Variants in SPATA16 observed in about 807,000 individuals in gnomAD.
The protein encoded by SPATA16 is spermatogenesis associated 16.
SPATA16 carries 36 observed loss-of-function variants against 63.3 expected under a neutral mutation model. The observed-to-expected ratio is 0.57, with a 90% CI of 0.44 to 0.75. SPATA16 has a LOEUF of 0.75. SPATA16 is among the 30% of genes least tolerant of loss of function. SPATA16 has a pLI of 0.00. For synonymous variants in SPATA16, 203 were observed against 216.7 expected, an observed-to-expected ratio of 0.94 and a Z score of 0.56; for missense variants, 646 against 679.3, an observed-to-expected ratio of 0.95 and a Z score of 0.54.
chr3:172,909,715 G>A (rs575207108), intron 10 of SPATA16, among the ~76,000 whole-genome samples: 1 of 152,312 alleles, frequency 6.6e-6, no homozygotes, highest in Non-Finnish European at 1.5e-5. Context: ...CCACCTACAG[G>A]AGTTTGGTCA....
Position 173,117,201 on chromosome 3 carries a change from C to T in SPATA16, c.531G>A (p.Gln177=). ...SFLPQIDKWL[Q]VALKDASSCY... ...AAGAGCTGGCATCCTTTAAGGCTAC[C>T]TGAAGCCATTTGTCAATCTGAGGCA... is the stretch of plus-strand genomic sequence containing the variant. Residue 177 remains glutamine, a synonymous_variant, in exon 2 of 11, where the codon CAG becomes CAA. Transcript: ENST00000351008. 2 of 1,614,114 alleles carry T rather than the reference C, an allele frequency of 1.2e-6. No homozygotes were observed. The highest frequency in any genetic ancestry group is 1.7e-6 in the Non-Finnish European group (2 of 1,179,988).
At chr3:173,008,870 A>G (rs1734998569) in intron 4 of SPATA16, among the ~76,000 whole-genome samples, 2 of 152,206 alleles carry the variant, frequency 1.3e-5, no homozygotes, top group Non-Finnish European at 2.9e-5. Flanking sequence ...AAAAATTGCT[A>G]AACTTTTTAA....
chr3:173,122,072 C>T (rs936994488), intron 1 of SPATA16, among the ~76,000 whole-genome samples: 2 of 152,130 alleles, frequency 1.3e-5, no homozygotes, highest in Non-Finnish European at 2.9e-5. Flanking sequence ...TAAAAATGCT[C>T]ATTCTTTAAT....
intron 2 of SPATA16, among the ~76,000 whole-genome samples, chr3:173,083,829 T>C (rs9871702): frequency 0.18 from 28,023 of 152,148 alleles, 2,936 homozygotes; most frequent in African/African-American, 0.28. Flanking sequence ...TCATTCCTTT[T>C]TACGACTGCA....
chr3:173,001,272 T>TTTTTTTTGTTTG (rs894241832), intron 4 of SPATA16, among the ~76,000 whole-genome samples: 2 of 151,640 alleles, frequency 1.3e-5, no homozygotes, highest in Admixed American at 6.6e-5. Context: ...TCAGTTGTTT[T>TTTTTTTTGTTTG]TTTTTTTTTG....
At chr3:172,992,668 T>C (rs917996524) in intron 4 of SPATA16, among the ~76,000 whole-genome samples, 1 of 152,114 alleles carries the variant, frequency 6.6e-6, no homozygotes, top group Admixed American at 6.6e-5. Flanking sequence ...GAGTTGATGG[T>C]GACCCTGTTA....
At chr3:173,100,672 A>G (rs1485738717) in intron 2 of SPATA16, among the ~76,000 whole-genome samples, 2 of 128,084 alleles carry the variant, frequency 1.6e-5, no homozygotes, top group African/African-American at 7.3e-5. Context: ...ACACACACAC[A>G]CACACACACA....
chr3:173,088,016 TTCTTTCTTTC>T (rs1737108005), intron 2 of SPATA16, among the ~76,000 whole-genome samples: 1 of 69,952 alleles, frequency 1.4e-5, no homozygotes, highest in African/African-American at 5.2e-5. Flanking sequence ...CCGTCTTTCT[TTCTTTCTTTC>T]TTTCTTTCTT....
intron 3 of SPATA16, among the ~76,000 whole-genome samples, chr3:173,047,182 T>A (rs919797658): frequency 1.3e-4 from 19 of 151,976 alleles, no homozygotes; most frequent in African/African-American, 3.9e-4. Flanking sequence ...ATAGTGGAAT[T>A]TTTGATCTTT....
chr3:173,026,756 T>A (rs546541496), intron 3 of SPATA16, among the ~76,000 whole-genome samples: 1 of 152,142 alleles, frequency 6.6e-6, no homozygotes, highest in South Asian at 2.1e-4. Flanking sequence ...AATTTCGGAA[T>A]GGAATATTCT....
intron 1 of SPATA16, among the ~76,000 whole-genome samples, chr3:173,136,639 T>G (rs1009020174): frequency 2.5e-4 from 38 of 152,352 alleles, no homozygotes; most frequent in African/African-American, 8.9e-4. Flanking sequence ...ACTGTCAAAA[T>G]TTTTTAAATT....
chr3:172,961,623 G>C (rs1191099203), intron 5 of SPATA16, among the ~76,000 whole-genome samples: 1 of 152,154 alleles, frequency 6.6e-6, no homozygotes, highest in East Asian at 1.9e-4. Flanking sequence ...TTGAACTCCT[G>C]ACCTCAGGTG....
intron 5 of SPATA16, among the ~76,000 whole-genome samples, chr3:172,971,270 C>A (rs1734041579): frequency 6.6e-6 from 1 of 152,172 alleles, no homozygotes; most frequent in Non-Finnish European, 1.5e-5. Context: ...GAACTTGGAA[C>A]ACATGCGCAC....
chr3:172,948,006 C>T (rs1335036520), intron 6 of SPATA16, among the ~76,000 whole-genome samples: 1 of 151,482 alleles, frequency 6.6e-6, no homozygotes. Context: ...CTCAAAAGTA[C>T]AAATATAAGA....
At chr3:173,032,854 C>T (rs944932641) in intron 3 of SPATA16, among the ~76,000 whole-genome samples, 5 of 152,084 alleles carry the variant, frequency 3.3e-5, no homozygotes, top group African/African-American at 9.7e-5. Flanking sequence ...ATGCCTGGCA[C>T]ATAATAGGCA....
chr3:172,956,251 C>G (rs1560078297), intron 6 of SPATA16, among the ~76,000 whole-genome samples: 1 of 151,796 alleles, frequency 6.6e-6, no homozygotes, highest in Non-Finnish European at 1.5e-5. Context: ...GATTCAAGAG[C>G]ATAAGGAAAG....
In SPATA16 at chr3:172,999,248, A is replaced by G. The variant is rs372163471; in HGVS notation, c.848+20238T>C. Reference sequence around the variant, plus strand: ...ACATATAGGCCTATTCAGATTGTCTATTTCTTCTTGTGTGAATTTTGGCAG... The same window carrying G: ...ACATATAGGCCTATTCAGATTGTCTGTTTCTTCTTGTGTGAATTTTGGCAG... On this transcript the variant is annotated intron_variant, in intron 4 of 10. Coordinates refer to ENST00000351008, the MANE Select transcript of SPATA16 (RefSeq NM_031955.6). Among the ~76,000 whole-genome samples, 538 of 152,142 alleles carry G rather than the reference A, an allele frequency of 3.5e-3. 3 individuals are homozygous for G. Among genetic ancestry groups the G allele is most frequent in the African/African-American group, 0.012 (513 of 41,494 alleles).
At chr3:172,913,564 G>T in intron 10 of SPATA16, 97 bp downstream of exon 10, 1 of 1,213,146 alleles carries the variant, frequency 8.2e-7, no homozygotes, top group Non-Finnish European at 1.2e-6. Context: ...ACAAACCAAA[G>T]AACTTGGGTT....
At position 173,052,894 on chromosome 3, in the gene SPATA16, T is replaced by G. The variant is rs528012176; in HGVS notation, c.613-3800A>C. 5.9e-5 allele frequency among the ~76,000 whole-genome samples: 9 copies of G among 152,304 alleles called. No individual in the cohort carries two copies. The South Asian group carries it at 1.9e-3, about 32-fold the overall frequency. On this transcript the variant is annotated intron_variant, in intron 2 of 10. Transcript: ENST00000351008. ...TGAAATAGTATATCACTGAGAAGAC[T>G]TTTAAGTAGGAAAAATTAAGTTAGG...
Sources: allele counts gnomAD v4.1 joint callset (sites outside exome capture counted in the v4.1 genomes callset), GRCh38; gene constraint gnomAD v4.1.1; transcripts MANE v1.5; gene names NCBI Gene and HGNC (gene_info 2026-07-23, HGNC 2026-07-21).